Variants in NDRG1 observed in about 807,000 individuals in gnomAD.
NDRG1 encodes the protein protein NDRG1.
A neutral mutation model predicts 56.9 loss-of-function variants in NDRG1; 32 were observed. The observed-to-expected ratio is 0.56, with a 90% CI of 0.42 to 0.76. The LOEUF is 0.76. Among genes scored for constraint, NDRG1 ranks in the 30% least tolerant of loss-of-function variants. NDRG1 has a pLI of 0.00. For missense variants in NDRG1, 507 were observed against 545.7 expected (o/e 0.93, Z 0.71); for synonymous variants, 211 against 204.1 (o/e 1.03, Z -0.29).
Position 133,266,071 on chromosome 8 carries a change from C to A in NDRG1, c.100-1419G>T, listed in dbSNP as rs74926403. ...AGTGCTGAACCATGTCCCTCCATGT[C>A]CTCACCCTCACAGGAGCCCTGCCAG... On this transcript the variant is annotated intron_variant, in intron 3 of 15. Coordinates refer to ENST00000323851, the MANE Select transcript of NDRG1 (RefSeq NM_006096.4). 4.5e-3 allele frequency among the ~76,000 whole-genome samples: 682 copies of A among 152,350 alleles called. 8 individuals carry two copies. Among genetic ancestry groups the A allele is most frequent in the African/African-American group, 0.016 (668 of 41,580 alleles).
At chr8:133,246,571 T>C (rs1356318750) in intron 13 of NDRG1, 45 bp downstream of exon 13, 6 of 1,598,704 alleles carry the variant, frequency 3.8e-6, no homozygotes, top group Non-Finnish European at 5.1e-6. Flanking sequence ...CGTCTGAGAG[T>C]TTCTAAGAAA....
intron 7 of NDRG1, 83 bp downstream of exon 7, chr8:133,258,283 G>T: frequency 7.1e-7 from 1 of 1,412,970 alleles, no homozygotes; most frequent in Non-Finnish European, 9.8e-7. Flanking sequence ...TTCCCTTTTG[G>T]GTTTTTGATG....
intron 12 of NDRG1, among the ~76,000 whole-genome samples, chr8:133,247,468 A>G (rs1855750682): frequency 6.6e-6 from 1 of 152,196 alleles, no homozygotes; most frequent in Non-Finnish European, 1.5e-5. Context: ...GGGTGAAAGG[A>G]GTCAGGAAGC....
intron 10 of NDRG1, among the ~76,000 whole-genome samples, chr8:133,250,019 G>A (rs968111702): frequency 1.3e-5 from 2 of 152,156 alleles, no homozygotes; most frequent in Non-Finnish European, 2.9e-5. Context: ...CCATGTTCAG[G>A]TCCTCCTTAT....
intron 3 of NDRG1, among the ~76,000 whole-genome samples, chr8:133,266,062 C>CCT (rs1446634748): frequency 6.6e-6 from 1 of 152,256 alleles, no homozygotes; most frequent in Non-Finnish European, 1.5e-5. Flanking sequence ...GAACCATGTC[C>CCT]CTCCATGTCC....
At position 133,247,935 on chromosome 8, in the gene NDRG1, A is replaced by G. The variant is rs1456184015; in HGVS notation, c.756-9T>C. The G allele has an allele frequency of 6.2e-7, 1 of 1,613,778 alleles. No homozygotes were observed. Among genetic ancestry groups the G allele is most frequent in the African/African-American group, 1.3e-5 (1 of 74,930 alleles). On this transcript the variant is annotated splice_polypyrimidine_tract_variant and intron_variant, in intron 11 of 15. Transcript: ENST00000323851. ...CCAACAGAGCAGGGCACCTGGGGTC[A>G]GGGATAGAGCAGAGAATTAGCACAA...
rs185911817 is a variant in NDRG1 at position 133,290,686 on chromosome 8, C to A, written c.-18-6357G>T. 8.7e-4 allele frequency among the ~76,000 whole-genome samples: 132 copies of A among 152,350 alleles called. No homozygotes were observed. The Middle Eastern group carries it at 0.024, about 27-fold the overall frequency. On this transcript the variant is annotated intron_variant, in intron 1 of 15. Transcript: ENST00000323851. ...GCTGGGACAGTCACATGCCTCTCCT[C>A]CACCCTGCAGTCACCACTGAGCCAT... is the stretch of plus-strand genomic sequence containing the variant.
chr8:133,283,426 C>T (rs753880556), intron 2 of NDRG1, among the ~76,000 whole-genome samples: 1 of 152,328 alleles, frequency 6.6e-6, no homozygotes, highest in Non-Finnish European at 1.5e-5. Flanking sequence ...TTTGAAGCTA[C>T]GGTGTCAACT....
intron 3 of NDRG1, among the ~76,000 whole-genome samples, chr8:133,267,599 C>T (rs1856986133): frequency 6.6e-6 from 1 of 152,220 alleles, no homozygotes; most frequent in African/African-American, 2.4e-5. Flanking sequence ...CTGCTGGGCC[C>T]AGCCCAGCCC....
At chr8:133,241,865 G>T in intron 15 of NDRG1, 158 bp downstream of exon 15, 1 of 777,272 alleles carries the variant, frequency 1.3e-6, no homozygotes, top group Non-Finnish European at 2.2e-6. Context: ...GATCCTCCAG[G>T]CTGCCACATG....
intron 9 of NDRG1, among the ~76,000 whole-genome samples, chr8:133,251,025 T>C (rs998969172): frequency 1.3e-5 from 2 of 152,188 alleles, no homozygotes; most frequent in Non-Finnish European, 2.9e-5. Flanking sequence ...AGGCAAATGT[T>C]AGTAATTGTT....
intron 7 of NDRG1, among the ~76,000 whole-genome samples, chr8:133,257,705 C>G (rs1456228319): frequency 6.6e-6 from 1 of 152,174 alleles, no homozygotes; most frequent in East Asian, 1.9e-4. Flanking sequence ...GATATGTACA[C>G]CTGGGGTACA....
chr8:133,264,216 G>A (rs1417626757), intron 4 of NDRG1, among the ~76,000 whole-genome samples: 3 of 152,184 alleles, frequency 2.0e-5, no homozygotes, highest in Admixed American at 1.3e-4. Flanking sequence ...TTTTTGGAAG[G>A]ATGAAAATGT....
At chr8:133,240,837 G>T (rs1855336937) in intron 15 of NDRG1, 1 of 152,240 alleles carries the variant, frequency 6.6e-6, no homozygotes, top group Admixed American at 6.5e-5. Context: ...ACACCGTGCA[G>T]GGTAAAGCAG....
At chr8:133,244,609 C>T (rs765367440) in intron 13 of NDRG1, 10 of 642,262 alleles carry the variant, frequency 1.6e-5, no homozygotes, top group Admixed American at 6.7e-5. Flanking sequence ...CAGCTTGCTA[C>T]GTGCCAGGCA....
At chr8:133,276,427 T>A (rs540932206) in intron 3 of NDRG1, among the ~76,000 whole-genome samples, 1 of 152,346 alleles carries the variant, frequency 6.6e-6, no homozygotes, top group African/African-American at 2.4e-5. Context: ...GATCCAGTGA[T>A]AGGGTTTGGC....
At chr8:133,254,669 T>TC in intron 8 of NDRG1, 74 bp from the exon 9 acceptor site, 1 of 1,480,112 alleles carries the variant, frequency 6.8e-7, no homozygotes, top group South Asian at 1.2e-5. Flanking sequence ...AAACCCCACT[T>TC]CCCTGGGTGC....
rs777649294 is a variant in NDRG1, at chr8:133,258,383, T to C, written c.433A>G (p.Ile145Val). ...IGMGTGAGAY[I>V]LTRFALNNPE... ...GCACTCACAGCAAATCGAGTTAGGATGTAGGCGCCTGCTCCTGTTCCCATG... is the reference window on the plus strand; with the variant it reads ...GCACTCACAGCAAATCGAGTTAGGACGTAGGCGCCTGCTCCTGTTCCCATG... The change falls in exon 7 of 16, where the codon ATC becomes GTC. Residue 145 changes from isoleucine to valine, a missense_variant. Transcript: ENST00000323851. 1 of 1,612,160 alleles carries C rather than the reference T, an allele frequency of 6.2e-7. No homozygotes were observed. The highest frequency in any genetic ancestry group is 2.2e-5 in the East Asian group (1 of 44,880).
chr8:133,258,092 C>G (rs1291933364), intron 7 of NDRG1, among the ~76,000 whole-genome samples: 1 of 152,096 alleles, frequency 6.6e-6, no homozygotes, highest in Non-Finnish European at 1.5e-5. Flanking sequence ...TAGCAGAGTA[C>G]TCAGTGAGTG....
Sources: allele counts gnomAD v4.1 joint callset (sites outside exome capture counted in the v4.1 genomes callset), GRCh38; gene constraint gnomAD v4.1.1; transcripts MANE v1.5; gene names NCBI Gene and HGNC (gene_info 2026-07-23, HGNC 2026-07-21).